TTLL9: variants seen among roughly 807,000 people sequenced by gnomAD.
TTLL9 encodes probable tubulin polyglutamylase TTLL9.
A neutral mutation model predicts 65.6 loss-of-function variants in TTLL9; 47 were observed. The observed-to-expected ratio is 0.72, with a 90% CI of 0.57 to 0.91. The LOEUF (loss-of-function observed/expected upper bound fraction) is 0.91. TTLL9 is among the 40% of genes least tolerant of loss of function. The pLI is 0.00. For synonymous variants in TTLL9, 179 were observed against 204.8 expected (o/e 0.87, Z 1.07); for missense variants, 537 against 568.8 (o/e 0.94, Z 0.57).
chr20:31,900,961 C>T (rs1487492443), intron 4 of TTLL9, among the ~76,000 whole-genome samples: 2 of 152,196 alleles, frequency 1.3e-5, no homozygotes, highest in Non-Finnish European at 2.9e-5. Flanking sequence ...CCCAGATTGT[C>T]TCAAGAATCC....
chr20:31,921,128 G>C (rs1279593653), intron 7 of TTLL9, among the ~76,000 whole-genome samples: 2 of 152,226 alleles, frequency 1.3e-5, no homozygotes, highest in African/African-American at 2.4e-5. Flanking sequence ...GCAGGATGTT[G>C]AGCACTTGCC....
intron 7 of TTLL9, among the ~76,000 whole-genome samples, 179 bp downstream of exon 7, chr20:31,920,111 A>C (rs1003878404): frequency 2.6e-5 from 4 of 152,106 alleles, no homozygotes; most frequent in African/African-American, 9.7e-5. Flanking sequence ...TGATCTTGCC[A>C]CTCAGTCACT....
chr20:31,931,566 T>G (rs1432632369), intron 10 of TTLL9, among the ~76,000 whole-genome samples: 2 of 152,200 alleles, frequency 1.3e-5, no homozygotes, highest in East Asian at 3.8e-4. Flanking sequence ...GCGGCCACCA[T>G]GCCTGGCCAA....
chr20:31,899,638 A>C (rs1283683910), intron 4 of TTLL9, among the ~76,000 whole-genome samples: 6 of 149,770 alleles, frequency 4.0e-5, no homozygotes, highest in Non-Finnish European at 8.9e-5. Flanking sequence ...TGACTCAAAA[A>C]AAAAAAGAGA....
At position 31,870,850 on chromosome 20, in the gene TTLL9, C is replaced by T. The variant is rs78155675; in HGVS notation, c.-105C>T. Reference sequence around the variant, plus strand: ...TCCCTGCGGGCCCCGGGGGAAAGCACCCAACTTCTCCCGCCTCGGCTTCTA... The same window carrying T: ...TCCCTGCGGGCCCCGGGGGAAAGCATCCAACTTCTCCCGCCTCGGCTTCTA... On this transcript the variant is annotated 5_prime_UTR_variant, in exon 1 of 15. Coordinates refer to ENST00000535842, the MANE Select transcript of TTLL9 (RefSeq NM_001008409.5). This position sits in a 1 kb window ranked among gnomAD's most constrained non-coding sequence, Gnocchi z 6.6. 0.019 allele frequency: 10,525 copies of T among 546,128 alleles called. 132 individuals carry two copies. The highest frequency in any genetic ancestry group is 0.025 in the Non-Finnish European group (7,846 of 311,102). 33.8% of individuals were successfully genotyped at this position (546,128 alleles called of 1,614,324 possible).
intron 3 of TTLL9, among the ~76,000 whole-genome samples, chr20:31,898,019 T>C (rs2123462708): frequency 6.6e-6 from 1 of 152,352 alleles, no homozygotes; most frequent in Non-Finnish European, 1.5e-5. Flanking sequence ...CACCATGTAG[T>C]TCCCGTGGTC....
At chr20:31,930,405 C>T (rs979973309) in intron 10 of TTLL9, among the ~76,000 whole-genome samples, 1 of 152,088 alleles carries the variant, frequency 6.6e-6, no homozygotes, top group African/African-American at 2.4e-5. Context: ...TTTCATTTTC[C>T]CCCATTTGCG....
intron 2 of TTLL9, among the ~76,000 whole-genome samples, chr20:31,873,725 A>G: frequency 1.4e-5 from 2 of 140,496 alleles, no homozygotes; most frequent in East Asian, 2.0e-4. Context: ...AAAGAAAGAA[A>G]GAAAGAAAGA....
At chr20:31,877,169 AT>A (rs2063048442) in intron 2 of TTLL9, among the ~76,000 whole-genome samples, 1 of 152,108 alleles carries the variant, frequency 6.6e-6, no homozygotes, top group Non-Finnish European at 1.5e-5. Flanking sequence ...TTATCTTTTA[AT>A]CAGATTTACC....
chr20:31,935,639 C>T (rs2064096211), intron 12 of TTLL9, among the ~76,000 whole-genome samples: 1 of 152,250 alleles, frequency 6.6e-6, no homozygotes, highest in Non-Finnish European at 1.5e-5. Context: ...GGTCTCTCTC[C>T]TTTGTCCCCT....
chr20:31,898,024 G>A (rs538416973), intron 3 of TTLL9, among the ~76,000 whole-genome samples: 11 of 152,286 alleles, frequency 7.2e-5, no homozygotes, highest in South Asian at 4.1e-4. Flanking sequence ...TGTAGTTCCC[G>A]TGGTCCTGAA....
chr20:31,941,946 A>G (rs1162878925), intron 14 of TTLL9, among the ~76,000 whole-genome samples: 2 of 152,198 alleles, frequency 1.3e-5, no homozygotes, highest in African/African-American at 2.4e-5. Flanking sequence ...GGGTCAGCAG[A>G]TAACTCAGAG....
chr20:31,871,303 G>C, intron 2 of TTLL9, 108 bp downstream of exon 2: 2 of 1,181,012 alleles, frequency 1.7e-6, no homozygotes, highest in Non-Finnish European at 2.5e-6. Context: ...TGGAGACCAA[G>C]GTTTGAGGCC....
intron 6 of TTLL9, among the ~76,000 whole-genome samples, chr20:31,913,141 A>G (rs1039740429): frequency 1.3e-5 from 2 of 151,914 alleles, no homozygotes; most frequent in Non-Finnish European, 2.9e-5. Flanking sequence ...GCCTGGTGAC[A>G]GAGTGAGACC....
chr20:31,916,039 T>A (rs1259213617), intron 6 of TTLL9, among the ~76,000 whole-genome samples: 1 of 152,186 alleles, frequency 6.6e-6, no homozygotes, highest in Non-Finnish European at 1.5e-5. Context: ...CCTTCCTAGC[T>A]GGCTCACTGG....
rs757772822 is a variant in TTLL9, at chr20:31,908,700, G to A, written c.316G>A (p.Glu106Lys). 5 of 1,613,436 alleles carry A rather than the reference G, an allele frequency of 3.1e-6. No homozygotes were observed. Among genetic ancestry groups the A allele is most frequent in the Non-Finnish European group, 3.4e-6 (4 of 1,179,552 alleles). Residue 106 changes from glutamate (E) to lysine (K), a missense_variant and splice_region_variant, in exon 5 of 15, where the codon GAG (glutamate) becomes AAG (lysine). This residue lies in a region of TTLL9 where 320 missense variants were observed against 311.0 expected (regional missense o/e 1.03). Coordinates refer to ENST00000535842, the MANE Select transcript of TTLL9 (RefSeq NM_001008409.5). Reference protein sequence around the residue: ...VRISHFRNHYELTRKNYMVKN... With the variant: ...VRISHFRNHYKLTRKNYMVKN... ...GATCAGTCACTTCCGGAACCACTAT[G>A]AGGTGAGCTGGGCAGGCGGGAGGGA...
Position 31,923,042 on chromosome 20 carries a change from A to C in TTLL9, c.653A>C (p.Tyr218Ser). 1 of 1,612,914 alleles carries C rather than the reference A, an allele frequency of 6.2e-7. No homozygotes were observed. Residue 218 changes from tyrosine to serine, a missense_variant, in exon 8 of 15, where the codon TAC becomes TCC. Transcript: ENST00000535842. ...YVAQRYIENP[Y>S]LIGGRKFDLR... ...GCTCAGCGTTACATTGAAAATCCTT[A>C]CCTGATAGGAGGTGAGATGGCTGTG...
At chr20:31,935,838 C>T (rs1268368644) in intron 12 of TTLL9, among the ~76,000 whole-genome samples, 1 of 152,172 alleles carries the variant, frequency 6.6e-6, no homozygotes, top group Admixed American at 6.5e-5. Context: ...AAACAATTGC[C>T]CTCAGTGCTG....
intron 7 of TTLL9, among the ~76,000 whole-genome samples, chr20:31,922,662 C>T (rs2063830902): frequency 2.0e-5 from 3 of 152,190 alleles, no homozygotes; most frequent in Non-Finnish European, 4.4e-5. Flanking sequence ...TGGCGTCTTG[C>T]GGCCAGTGAC....
Sources: gnomAD v4.1 joint callset for allele counts (sites outside exome capture counted in the v4.1 genomes callset) on GRCh38, gnomAD v4.1.1 for gene constraint, gnomAD v4.1.1 regional missense constraint, Gnocchi (gnomAD v3.1) non-coding constraint, MANE v1.5 for transcripts, NCBI Gene and HGNC (gene_info 2026-07-23, HGNC 2026-07-21) for gene names.